HMBOX1: variants seen among roughly 807,000 people sequenced by gnomAD.
HMBOX1 encodes the protein homeobox-containing protein 1.
HMBOX1 carries 14 observed loss-of-function variants against 54.5 expected under a neutral mutation model. The observed-to-expected ratio is 0.26, with a 90% CI of 0.17 to 0.40. The LOEUF is 0.40. Ranked by LOEUF, HMBOX1 falls within the 10% of genes least tolerant of loss-of-function variation. The probability of loss-of-function intolerance (pLI) is 1.00; values close to 1 mark genes in which losing one functional copy is unlikely to be tolerated. For missense variants in HMBOX1, 332 were observed against 514.4 expected (o/e 0.65, Z 3.43); for synonymous variants, 160 against 181.0 (o/e 0.88, Z 0.93).
At chr8:28,920,003 T>G (rs556816700) in intron 1 of HMBOX1, among the ~76,000 whole-genome samples, 20 of 147,778 alleles carry the variant, frequency 1.4e-4, no homozygotes, top group Middle Eastern at 3.5e-3. Context: ...GTGTGTGTGT[T>G]TTTCAATAGC....
chr8:29,024,808 G>A lies in HMBOX1; in HGVS notation c.851+5895G>A, dbSNP rs952633906. On this transcript the variant is annotated intron_variant, in intron 6 of 9. Coordinates refer to ENST00000287701, the MANE Select transcript of HMBOX1 (RefSeq NM_001135726.3). The stretch of plus-strand genomic sequence containing the variant: ...CATATGCAAATGGATTAGAGCAGGG[G>A]TCCCTAACCCCTGGGCTGTGGACCT... Among the ~76,000 whole-genome samples, 4 of 152,280 alleles carry A rather than the reference G, an allele frequency of 2.6e-5. No individual in the cohort carries two copies. In the South Asian group the frequency reaches 8.3e-4, roughly 32 times the overall value.
chr8:28,948,033 C>T (rs1230996826), intron 1 of HMBOX1, among the ~76,000 whole-genome samples: 1 of 152,160 alleles, frequency 6.6e-6, no homozygotes, highest in African/African-American at 2.4e-5. Flanking sequence ...AGTGATCTTC[C>T]TTCCTTGGCC....
In HMBOX1 at chr8:28,970,980, TGACAC is replaced by T. The variant is rs1223811739; in HGVS notation, c.500+462_500+466del. On this transcript the variant is annotated intron_variant, in intron 3 of 9. Coordinates refer to ENST00000287701, the MANE Select transcript of HMBOX1 (RefSeq NM_001135726.3). This position sits in a 1 kb window ranked among gnomAD's most constrained non-coding sequence, Gnocchi z 4.3. ...TATAGGTTCTAATTTTAGCAATAGATGACACACACACACACACACACACACACACA... is the reference window on the plus strand; with the variant it reads ...TATAGGTTCTAATTTTAGCAATAGATACACACACACACACACACACACACA... Among the ~76,000 whole-genome samples, 1 of 92,384 alleles carries T rather than the reference TGACAC, an allele frequency of 1.1e-5. No homozygotes were observed. The highest frequency in any genetic ancestry group is 2.1e-5 in the Non-Finnish European group (1 of 47,578). 60.6% of individuals were successfully genotyped at this position (92,384 alleles called of 152,430 possible).
chr8:28,983,902 G>C (rs1468305556), intron 4 of HMBOX1, among the ~76,000 whole-genome samples: 6 of 152,166 alleles, frequency 3.9e-5, no homozygotes, highest in African/African-American at 1.4e-4. Flanking sequence ...TTGTCCTGTT[G>C]GTCAACTTAC....
At chr8:28,893,825 C>T (rs1367972851) in intron 1 of HMBOX1, among the ~76,000 whole-genome samples, 1 of 152,152 alleles carries the variant, frequency 6.6e-6, no homozygotes, top group Non-Finnish European at 1.5e-5. Flanking sequence ...TTTGAGTCTC[C>T]TGTACACTGT....
At chr8:28,918,327 C>T (rs1010637921) in intron 1 of HMBOX1, among the ~76,000 whole-genome samples, 3 of 152,188 alleles carry the variant, frequency 2.0e-5, no homozygotes, top group African/African-American at 7.2e-5. Context: ...CCTCAGCTTC[C>T]CAAGTAGCTG....
chr8:28,914,536 A>G (rs1343955274), intron 1 of HMBOX1, among the ~76,000 whole-genome samples: 1 of 152,206 alleles, frequency 6.6e-6, no homozygotes, highest in African/African-American at 2.4e-5. Context: ...ATCTGAACAC[A>G]CGCCTTCACT....
chr8:29,032,969 A>C (rs1233668439), intron 6 of HMBOX1, among the ~76,000 whole-genome samples: 1 of 152,208 alleles, frequency 6.6e-6, no homozygotes, highest in Non-Finnish European at 1.5e-5. Flanking sequence ...AAAATGACTC[A>C]AAAAACAGGA....
intron 6 of HMBOX1, among the ~76,000 whole-genome samples, chr8:29,030,275 T>C (rs1233259232): frequency 6.6e-6 from 1 of 151,534 alleles, no homozygotes; most frequent in East Asian, 2.0e-4. Context: ...TGGAGTACAA[T>C]GGCGTGATCT....
At chr8:29,021,728 C>G (rs180791802) in intron 6 of HMBOX1, among the ~76,000 whole-genome samples, 1 of 151,532 alleles carries the variant, frequency 6.6e-6, no homozygotes, top group Non-Finnish European at 1.5e-5. Context: ...GGCGTGGTGG[C>G]GGGCACCTGT....
intron 1 of HMBOX1, among the ~76,000 whole-genome samples, chr8:28,908,365 T>C (rs926960484): frequency 6.6e-6 from 1 of 152,214 alleles, no homozygotes; most frequent in South Asian, 2.1e-4. Context: ...AAGGGAAGAA[T>C]TGACATTAAT....
At chr8:28,971,152 C>T (rs1463255657) in intron 3 of HMBOX1, among the ~76,000 whole-genome samples, 4 of 139,700 alleles carry the variant, frequency 2.9e-5, no homozygotes, top group South Asian at 2.2e-4. Flanking sequence ...AGTGCAATGG[C>T]GTGATCTCGG....
At chr8:29,045,776 A>T (rs1394910626) in intron 7 of HMBOX1, among the ~76,000 whole-genome samples, 2 of 152,258 alleles carry the variant, frequency 1.3e-5, no homozygotes, top group African/African-American at 4.8e-5. Flanking sequence ...TTAAAGTTTT[A>T]AATATTTAAG....
chr8:28,949,296 T>C (rs763890942), intron 1 of HMBOX1, among the ~76,000 whole-genome samples: 1 of 152,198 alleles, frequency 6.6e-6, no homozygotes, highest in Non-Finnish European at 1.5e-5. Flanking sequence ...ATTTTTTAGC[T>C]ACCTTGGTGG....
At chr8:28,989,474 C>T (rs1247166825) in intron 4 of HMBOX1, among the ~76,000 whole-genome samples, 2 of 152,018 alleles carry the variant, frequency 1.3e-5, no homozygotes, top group African/African-American at 4.8e-5. Flanking sequence ...AAAAGTCTAG[C>T]CTTTCCCCGT....
At chr8:28,903,637 C>G (rs145792300) in intron 1 of HMBOX1, among the ~76,000 whole-genome samples, 56 of 152,270 alleles carry the variant, frequency 3.7e-4, no homozygotes, top group Non-Finnish European at 6.6e-4. Flanking sequence ...GGCACTTGAT[C>G]AGGTGAAGAA....
intron 7 of HMBOX1, chr8:29,046,303 A>G (rs1805553928): frequency 6.6e-6 from 1 of 152,256 alleles, no homozygotes; most frequent in Admixed American, 6.5e-5. Flanking sequence ...AAAGCTGTGC[A>G]GAAACTTGAA....
chr8:28,899,058 T>A (rs1029313309), intron 1 of HMBOX1, among the ~76,000 whole-genome samples: 7 of 152,216 alleles, frequency 4.6e-5, no homozygotes, highest in African/African-American at 1.7e-4. Flanking sequence ...CAAGGATCAG[T>A]TTGCTGGAAA....
intron 1 of HMBOX1, chr8:28,924,740 G>C (rs1378132890): frequency 6.6e-6 from 1 of 152,166 alleles, no homozygotes; most frequent in African/African-American, 2.4e-5. Flanking sequence ...AGCTTCCTGA[G>C]TAGCTGGGAT....
Sources: allele counts gnomAD v4.1 joint callset (sites outside exome capture counted in the v4.1 genomes callset), GRCh38; gene constraint gnomAD v4.1.1; non-coding constraint Gnocchi (gnomAD v3.1); transcripts MANE v1.5; gene names NCBI Gene and HGNC (gene_info 2026-07-23, HGNC 2026-07-21).